SORL1: variants seen among roughly 807,000 people sequenced by gnomAD.
SORL1 encodes the protein sortilin-related receptor.
Under a neutral mutation model 273.7 loss-of-function variants are expected in SORL1, and 127 were observed. The ratio of observed to expected loss-of-function variants is 0.46; its 90% CI spans 0.40 to 0.54. The LOEUF is 0.54. Among genes scored for constraint, SORL1 ranks in the 20% least tolerant of loss-of-function variants. The pLI, the probability that SORL1 is intolerant of heterozygous loss-of-function variation, is 0.00. For missense variants in SORL1, 2,494 were observed against 2,846.1 expected, an observed-to-expected ratio of 0.88 and a Z score of 2.81; for synonymous variants, 1,031 against 1,067.4, an observed-to-expected ratio of 0.97 and a Z score of 0.66.
At chr11:121,481,210 T>C (rs71468757) in intron 3 of SORL1, among the ~76,000 whole-genome samples, 30,619 of 54,592 alleles carry the variant, frequency 0.56, 8,812 homozygotes, top group Middle Eastern at 0.68. Context: ...CCAGCTCCTC[T>C]CCTAGTGCAC....
intron 28 of SORL1, 39 bp from the exon 29 acceptor site, chr11:121,589,220 G>A (rs1318959973): frequency 6.2e-7 from 1 of 1,609,772 alleles, no homozygotes; most frequent in Non-Finnish European, 8.5e-7. Context: ...CCTCAGCATG[G>A]AAGTTCCTGG....
At chr11:121,614,594 A>T (rs1863612853) in intron 40 of SORL1, 1 of 331,580 alleles carries the variant, frequency 3.0e-6, no homozygotes, top group East Asian at 7.6e-5. Context: ...TTCTTGTTAT[A>T]CAAGGCCAAA....
intron 6 of SORL1, among the ~76,000 whole-genome samples, chr11:121,501,260 AGT>A (rs1475651341): frequency 3.9e-5 from 6 of 152,200 alleles, no homozygotes. Context: ...ACCCTTTTTA[AGT>A]GTGCAATTTA....
intron 22 of SORL1, among the ~76,000 whole-genome samples, chr11:121,568,623 G>GAT (rs1048268161): frequency 1.5e-4 from 23 of 152,062 alleles, no homozygotes; most frequent in African/African-American, 5.6e-4. Context: ...AATATATATG[G>GAT]ATATATATAA....
chr11:121,465,821 C>A (rs1423649971), intron 1 of SORL1, among the ~76,000 whole-genome samples: 4 of 152,196 alleles, frequency 2.6e-5, no homozygotes, highest in African/African-American at 9.7e-5. Context: ...ACCACCACGC[C>A]CGGCTGGGTG....
chr11:121,519,240 C>T (rs1280496886), intron 8 of SORL1, among the ~76,000 whole-genome samples: 3 of 151,920 alleles, frequency 2.0e-5, no homozygotes, highest in African/African-American at 4.8e-5. Context: ...GCCACCATGC[C>T]CGGCCAAGCT....
chr11:121,629,677 C>CAA lies in SORL1; in HGVS notation c.*114_*115insAA. On this transcript the variant is annotated 3_prime_UTR_variant, in exon 48 of 48. Coordinates refer to ENST00000260197, the MANE Select transcript of SORL1 (RefSeq NM_003105.6). The stretch of plus-strand genomic sequence containing the variant: ...TTGCAATATGTTATTTTTATATGGG[C>CAA]CAAAAACAAAAAACAAAAAAAAAAA... The CAA allele has an allele frequency of 5.9e-6, 3 of 509,964 alleles. No individual in the cohort carries two copies. The highest frequency in any genetic ancestry group is 3.3e-5 in the South Asian group (1 of 30,554). The allele number at this position is 509,964 out of a possible 1,614,324, so 31.6% of individuals were successfully genotyped here. A position where few individuals can be genotyped will look rare whatever the true frequency, so the allele number is the denominator to read the frequency against.
At chr11:121,591,226 T>A in intron 31 of SORL1, 70 bp downstream of exon 31, 1 of 1,551,520 alleles carries the variant, frequency 6.4e-7, no homozygotes, top group Non-Finnish European at 8.9e-7. Context: ...GGGTGTGCTC[T>A]GGGCACAATC....
chr11:121,454,069 G>A (rs1402113729), intron 1 of SORL1, among the ~76,000 whole-genome samples: 2 of 152,240 alleles, frequency 1.3e-5, no homozygotes, highest in African/African-American at 2.4e-5. Context: ...TTCCTCTTGG[G>A]CCCAGATCCT....
intron 11 of SORL1, among the ~76,000 whole-genome samples, chr11:121,531,318 C>T (rs530458947): frequency 7.9e-5 from 12 of 152,242 alleles, no homozygotes; most frequent in African/African-American, 2.4e-4. Flanking sequence ...CACTTGAACC[C>T]AGGAGGCAGA....
chr11:121,522,858 A>T, intron 10 of SORL1, 58 bp from the exon 11 acceptor site: 1 of 1,497,148 alleles, frequency 6.7e-7, no homozygotes, highest in South Asian at 1.1e-5. Context: ...CTGGCTGGGC[A>T]AGGTGATTAT....
At chr11:121,573,275 A>G (rs1266025404) in intron 23 of SORL1, among the ~76,000 whole-genome samples, 5 of 152,200 alleles carry the variant, frequency 3.3e-5, no homozygotes, top group African/African-American at 1.2e-4. Context: ...GCTACCAAGT[A>G]AAGGCAGGTT....
chr11:121,567,897 T>A (rs190679721), intron 22 of SORL1, among the ~76,000 whole-genome samples: 553 of 152,242 alleles, frequency 3.6e-3, no homozygotes, highest in African/African-American at 0.012. Flanking sequence ...GCCTTTTTTT[T>A]TATATATATT....
intron 8 of SORL1, among the ~76,000 whole-genome samples, chr11:121,518,845 T>C (rs1033704629): frequency 1.3e-5 from 2 of 152,090 alleles, no homozygotes; most frequent in East Asian, 3.9e-4. Flanking sequence ...GCTGAAGAGA[T>C]TGTGTGGAGA....
rs57842880 is a variant in SORL1, at chr11:121,502,124, C to CTTTTTTTTTTTTT, written c.939+5092_939+5104dup. Among the ~76,000 whole-genome samples, 35 of 65,170 alleles carry CTTTTTTTTTTTTT rather than the reference C, an allele frequency of 5.4e-4. 11 individuals are homozygous for CTTTTTTTTTTTTT. Among genetic ancestry groups the CTTTTTTTTTTTTT allele is most frequent in the South Asian group, 2.1e-3 (3 of 1,404 alleles). The allele number at this position is 65,170 out of a possible 152,430, so 42.8% of individuals were successfully genotyped here. ...GTAACTACTGGGTCATGTGACAATT[C>CTTTTTTTTTTTTT]TTTTTTTTTTTTTTTTTTTTTTTTT... On this transcript the variant is annotated intron_variant, in intron 6 of 47. Transcript: ENST00000260197.
chr11:121,564,606 T>C (rs1203524614), intron 21 of SORL1, among the ~76,000 whole-genome samples: 1 of 152,182 alleles, frequency 6.6e-6, no homozygotes, highest in Non-Finnish European at 1.5e-5. Context: ...AGACAGGCTC[T>C]GGCTCTGTTA....
chr11:121,567,122 C>G lies in SORL1; in HGVS notation c.3223+9C>G, dbSNP rs1310425683. On this transcript the variant is annotated intron_variant, in intron 22 of 47. Transcript: ENST00000260197. ...TACCTGTGTCAAACAAGGTACTTCCCTTTTTCTTTTTTGCCTGTCATCCTC... is the reference window on the plus strand; with the variant it reads ...TACCTGTGTCAAACAAGGTACTTCCGTTTTTCTTTTTTGCCTGTCATCCTC... 1.2e-6 allele frequency: 2 copies of G among 1,607,004 alleles called. No individual in the cohort carries two copies. Among genetic ancestry groups the G allele is most frequent in the Non-Finnish European group, 1.7e-6 (2 of 1,176,084 alleles).
At chr11:121,606,811 A>T (rs377101221) in intron 35 of SORL1, 34 bp from the exon 36 acceptor site, 17 of 1,514,568 alleles carry the variant, frequency 1.1e-5, no homozygotes, top group Admixed American at 6.7e-5. Context: ...TGCTATGCAG[A>T]TGGGTTTTAA....
rs761884142 is a variant in SORL1 at position 121,452,581 on chromosome 11, G to T, written c.250G>T (p.Ala84Ser). 3 of 1,522,056 alleles carry T rather than the reference G, an allele frequency of 2.0e-6. No homozygotes were observed. The highest frequency in any genetic ancestry group is 2.6e-5 in the East Asian group (1 of 37,954). 94.3% of individuals were successfully genotyped at this position (1,522,056 alleles called of 1,614,324 possible). ...EKPLRRKRSA[A>S]LQPEPIKVYG... is the part of the protein sequence containing the mutation. Reference sequence around the variant, plus strand: ...GCCGCTCCGGAGGAAACGGAGCGCTGCCCTGCAGCCCGAGCCCATCAAGGT... The same window carrying T: ...GCCGCTCCGGAGGAAACGGAGCGCTTCCCTGCAGCCCGAGCCCATCAAGGT... The change falls in exon 1 of 48, where the codon GCC becomes TCC. Residue 84 changes from alanine to serine, a missense_variant. This residue lies in a region of SORL1 where 175 missense variants were observed against 147.1 expected (regional missense o/e 1.19). Transcript: ENST00000260197. This position sits in a 1 kb window ranked among gnomAD's most constrained non-coding sequence, Gnocchi z 5.3.
Sources: allele counts gnomAD v4.1 joint callset (sites outside exome capture counted in the v4.1 genomes callset), GRCh38; gene constraint gnomAD v4.1.1; regional missense constraint gnomAD v4.1.1; non-coding constraint Gnocchi (gnomAD v3.1); transcripts MANE v1.5; gene names NCBI Gene and HGNC (gene_info 2026-07-23, HGNC 2026-07-21).